DGCR2: variants seen among roughly 807,000 people sequenced by gnomAD.
DGCR2 encodes integral membrane protein DGCR2/IDD.
Under a neutral mutation model 51.6 loss-of-function variants are expected in DGCR2, and 24 were observed. The ratio of observed to expected loss-of-function variants is 0.47; its 90% CI spans 0.34 to 0.65. The LOEUF is 0.65. DGCR2 is among the 30% of genes least tolerant of loss of function. The probability of loss-of-function intolerance (pLI) is 0.01; values close to 1 mark genes in which losing one functional copy is unlikely to be tolerated. For synonymous variants in DGCR2, 340 were observed against 315.4 expected (o/e 1.08, Z -0.82); for missense variants, 765 against 772.1 (o/e 0.99, Z 0.11).
In DGCR2 at chr22:19,061,997, G is replaced by T. The variant is rs553750453; in HGVS notation, c.625+1205C>A. 2.0e-5 allele frequency among the ~76,000 whole-genome samples: 3 copies of T among 152,184 alleles called. No individual in the cohort carries two copies. In the South Asian group the frequency reaches 6.2e-4, roughly 32 times the overall value. On this transcript the variant is annotated intron_variant, in intron 5 of 9. Transcript: ENST00000263196. ...TTGCCATTCTCACACCAAGCATGAG[G>T]CCCCCAGTCCCCAACTCTGAATGTG...
At chr22:19,043,550 G>A (rs1319196492) in intron 7 of DGCR2, among the ~76,000 whole-genome samples, 1 of 152,194 alleles carries the variant, frequency 6.6e-6, no homozygotes, top group Admixed American at 6.5e-5. Context: ...CCCAGAAGTA[G>A]CTTCCTCCAC....
chr22:19,041,637 G>A, intron 8 of DGCR2, 170 bp downstream of exon 8: 1 of 783,624 alleles, frequency 1.3e-6, no homozygotes. Flanking sequence ...GAATAAGGAG[G>A]GTCTTGGCAA....
At position 19,095,758 on chromosome 22, in the gene DGCR2, T is replaced by C. The variant is rs148103863; in HGVS notation, c.80-6268A>G. On this transcript the variant is annotated intron_variant, in intron 1 of 9. Coordinates refer to ENST00000263196, the MANE Select transcript of DGCR2 (RefSeq NM_005137.3). ...AAGGCTTTTTTTAACTATCATGAAA[T>C]AGATTTCTGTTTAAAAAATCAGGAA... 3.2e-3 allele frequency among the ~76,000 whole-genome samples: 489 copies of C among 150,754 alleles called. 3 individuals are homozygous for C. Among genetic ancestry groups the C allele is most frequent in the African/African-American group, 0.011 (444 of 40,916 alleles).
chr22:19,036,487 G>C lies in DGCR2; in HGVS notation c.*2378C>G, dbSNP rs2082369982. The C allele has an allele frequency of 6.6e-6, 1 of 152,508 alleles. No individual in the cohort carries two copies. The highest frequency in any genetic ancestry group is 2.4e-5 in the African/African-American group (1 of 41,446). 9.4% of individuals were successfully genotyped at this position (152,508 alleles called of 1,614,324 possible). ...GGGCTCTGAGAAACCGTGGCAAGCTGGTCCTAGAGGAGGAGGACCCCTGGA... is the reference window on the plus strand; with the variant it reads ...GGGCTCTGAGAAACCGTGGCAAGCTCGTCCTAGAGGAGGAGGACCCCTGGA... On this transcript the variant is annotated 3_prime_UTR_variant, in exon 10 of 10. Transcript: ENST00000263196.
At position 19,042,225 on chromosome 22, in the gene DGCR2, C is replaced by T. The variant is rs186055585; in HGVS notation, c.1007-266G>A. Among the ~76,000 whole-genome samples, 3 of 152,330 alleles carry T rather than the reference C, an allele frequency of 2.0e-5. No homozygotes were observed. The East Asian group carries it at 5.8e-4, about 29-fold the overall frequency. ...CTGCTGTGTGCCAACACCCCTCTGA[C>T]CATCACCGGAGCAAACTAGGATTTC... On this transcript the variant is annotated intron_variant, in intron 7 of 9. Coordinates refer to ENST00000263196, the MANE Select transcript of DGCR2 (RefSeq NM_005137.3).
chr22:19,079,161 C>T (rs2082910264), intron 2 of DGCR2, among the ~76,000 whole-genome samples: 1 of 152,144 alleles, frequency 6.6e-6, no homozygotes, highest in Non-Finnish European at 1.5e-5. Flanking sequence ...AATCCTCCCA[C>T]CTTGAACTCC....
At position 19,063,283 on chromosome 22, in the gene DGCR2, A is replaced by G. The variant is rs755676681; in HGVS notation, c.549-5T>C. 1.8e-5 allele frequency: 29 copies of G among 1,613,734 alleles called. No homozygotes were observed. The highest frequency in any genetic ancestry group is 2.4e-5 in the Non-Finnish European group (28 of 1,179,692). On this transcript the variant is annotated splice_polypyrimidine_tract_variant and splice_region_variant and intron_variant, in intron 4 of 9. Transcript: ENST00000263196. Reference sequence around the variant, plus strand: ...TACTGATAGCCAACCCACAACCTGCAGGGCACAGAGACAGAGACAGAGATC... The same window carrying G: ...TACTGATAGCCAACCCACAACCTGCGGGGCACAGAGACAGAGACAGAGATC...
Position 19,078,990 on chromosome 22 carries a change from C to G in DGCR2, c.202+10378G>C, listed in dbSNP as rs1288846733. 6.6e-5 allele frequency among the ~76,000 whole-genome samples: 10 copies of G among 152,140 alleles called. No homozygotes were observed. The East Asian group carries it at 1.9e-3, about 29-fold the overall frequency. On this transcript the variant is annotated intron_variant, in intron 2 of 9. Transcript: ENST00000263196. Reference sequence around the variant, plus strand: ...GTTGAGAGGTTTTTGATTACTGATTCAATCTCCTTATTAATTATAGTCCTA... The same window carrying G: ...GTTGAGAGGTTTTTGATTACTGATTGAATCTCCTTATTAATTATAGTCCTA...
intron 3 of DGCR2, chr22:19,065,777 C>G (rs2239396): frequency 0.41 from 62,095 of 152,178 alleles, 13,075 homozygotes; most frequent in African/African-American, 0.52. Context: ...CCAGTGACCT[C>G]TTTTATAGAA....
chr22:19,068,709 C>T (rs1033319820), intron 2 of DGCR2, among the ~76,000 whole-genome samples: 27 of 152,222 alleles, frequency 1.8e-4, no homozygotes, highest in Non-Finnish European at 3.5e-4. Flanking sequence ...TATCTGTCCC[C>T]CTGCCTGCTG....
At chr22:19,073,891 A>T (rs897203948) in intron 2 of DGCR2, among the ~76,000 whole-genome samples, 3 of 152,200 alleles carry the variant, frequency 2.0e-5, no homozygotes, top group Admixed American at 1.3e-4. Flanking sequence ...ACGCAAGGAG[A>T]CACAGGTGAG....
At chr22:19,075,489 A>G (rs1209774297) in intron 2 of DGCR2, among the ~76,000 whole-genome samples, 1 of 151,886 alleles carries the variant, frequency 6.6e-6, no homozygotes, top group Admixed American at 6.6e-5. Flanking sequence ...ATTATTAAGT[A>G]CCTTCACATT....
chr22:19,112,804 T>C (rs2083330820), intron 1 of DGCR2, among the ~76,000 whole-genome samples: 1 of 143,938 alleles, frequency 6.9e-6, no homozygotes, highest in African/African-American at 2.6e-5. Context: ...TCCAAGTAGC[T>C]TTTGAACCCA....
At chr22:19,111,928 C>T (rs950469268) in intron 1 of DGCR2, among the ~76,000 whole-genome samples, 5 of 149,974 alleles carry the variant, frequency 3.3e-5, no homozygotes, top group Non-Finnish European at 5.9e-5. Context: ...GACAAAAGTA[C>T]ATCAACGAAG....
chr22:19,059,899 GT>G (rs1207049885), intron 5 of DGCR2, among the ~76,000 whole-genome samples: 1 of 152,078 alleles, frequency 6.6e-6, no homozygotes, highest in African/African-American at 2.4e-5. Context: ...CGGCCCCCGA[GT>G]CCCCCATTGT....
At position 19,057,182 on chromosome 22, in the gene DGCR2, T is replaced by C; in HGVS notation, c.626-20A>G. ...AAGAGCCTGTTGGGGAGACAAAAGG[T>C]GGGGCTGGACAACATCACATCAGAG... On this transcript the variant is annotated intron_variant, in intron 5 of 9. Coordinates refer to ENST00000263196, the MANE Select transcript of DGCR2 (RefSeq NM_005137.3). The surrounding 1 kb of genome is among the most constrained non-coding windows in gnomAD (Gnocchi z 5.1). The C allele has an allele frequency of 1.3e-6, 2 of 1,583,076 alleles. No homozygotes were observed. The highest frequency in any genetic ancestry group is 1.7e-6 in the Non-Finnish European group (2 of 1,164,236).
At chr22:19,121,347 G>C (rs2083429961) in intron 1 of DGCR2, among the ~76,000 whole-genome samples, 1 of 152,166 alleles carries the variant, frequency 6.6e-6, no homozygotes, top group African/African-American at 2.4e-5. Flanking sequence ...AAAGTACCGT[G>C]GGCAAGTGAT....
intron 6 of DGCR2, among the ~76,000 whole-genome samples, chr22:19,054,254 A>G (rs893807389): frequency 2.0e-5 from 3 of 152,266 alleles, no homozygotes; most frequent in African/African-American, 7.2e-5. Flanking sequence ...ATTAAGGTCC[A>G]CAGTATCTTC....
chr22:19,103,416 C>CTTTTTTTTTTTTT (rs55877455), intron 1 of DGCR2, among the ~76,000 whole-genome samples: 2 of 67,716 alleles, frequency 3.0e-5, no homozygotes, highest in African/African-American at 9.8e-5. Context: ...AAAAAAAGTT[C>CTTTTTTTTTTTTT]TTTTTTTTTT....
Sources: gnomAD v4.1 joint callset for allele counts (sites outside exome capture counted in the v4.1 genomes callset) on GRCh38, gnomAD v4.1.1 for gene constraint, Gnocchi (gnomAD v3.1) non-coding constraint, MANE v1.5 for transcripts, NCBI Gene and HGNC (gene_info 2026-07-23, HGNC 2026-07-21) for gene names.